RPS15A: variants seen among roughly 807,000 people sequenced by gnomAD.
RPS15A encodes the protein small ribosomal subunit protein uS8.
For synonymous variants in RPS15A, 55 were observed against 58.5 expected, an observed-to-expected ratio of 0.94 and a Z score of 0.27; for missense variants, 62 against 163.4, an observed-to-expected ratio of 0.38 and a Z score of 3.38.
rs376903576 is a variant in RPS15A at position 18,782,698 on chromosome 16, A to G, written c.*311T>C. 1.2e-4 allele frequency: 25 copies of G among 202,568 alleles called. No individual in the cohort carries two copies. Among genetic ancestry groups the G allele is most frequent in the African/African-American group, 4.7e-4 (20 of 42,128 alleles). 12.5% of individuals were successfully genotyped at this position (202,568 alleles called of 1,614,324 possible). The stretch of plus-strand genomic sequence containing the variant: ...GATCGCGCCACTGCACTCCAGCCTG[A>G]GCAATAGAGTCAGACTCTGTCTCCA... On this transcript the variant is annotated 3_prime_UTR_variant, in exon 5 of 5. Transcript: ENST00000322989.
At chr16:18,787,853 A>T (rs2029918672) in intron 3 of RPS15A, among the ~76,000 whole-genome samples, 1 of 152,184 alleles carries the variant, frequency 6.6e-6, no homozygotes, top group Non-Finnish European at 1.5e-5. Flanking sequence ...CTTATACCCC[A>T]TAAAAACACT....
intron 4 of RPS15A, chr16:18,784,342 G>A (rs1042655164): frequency 6.4e-6 from 1 of 157,348 alleles, no homozygotes; most frequent in African/African-American, 2.4e-5. Flanking sequence ...CTCTCTCCCG[G>A]GTTCAAGCTA....
Position 18,782,735 on chromosome 16 carries a change from A to G in RPS15A, c.*274T>C, listed in dbSNP as rs1903984966. ...AGACTCTGTCTCCAAAAAAGAAAAA[A>G]AAAAAAAAAAACTGAAATACAACTA... On this transcript the variant is annotated 3_prime_UTR_variant, in exon 5 of 5. Coordinates refer to ENST00000322989, the MANE Select transcript of RPS15A (RefSeq NM_001019.5). 3.7e-6 allele frequency: 1 copy of G among 271,044 alleles called. No individual in the cohort carries two copies. Among genetic ancestry groups the G allele is most frequent in the Non-Finnish European group, 7.0e-6 (1 of 143,252 alleles). The allele number at this position is 271,044 out of a possible 1,614,324, so 16.8% of individuals were successfully genotyped here. A position where few individuals can be genotyped will look rare whatever the true frequency, so the allele number is the denominator to read the frequency against.
chr16:18,784,301 G>C (rs961655777), intron 4 of RPS15A: 3 of 152,570 alleles, frequency 2.0e-5, no homozygotes, highest in Non-Finnish European at 4.4e-5. Context: ...CCAGGCTGGA[G>C]TGCAATGGCA....
chr16:18,789,766 C>G (rs2141862891), intron 1 of RPS15A: 1 of 152,368 alleles, frequency 6.6e-6, no homozygotes, highest in Admixed American at 6.5e-5. Context: ...TTTGAAAGAC[C>G]AAAGTGCCAA....
chr16:18,787,099 G>A (rs1401330868), intron 3 of RPS15A, among the ~76,000 whole-genome samples: 3 of 152,262 alleles, frequency 2.0e-5, no homozygotes, highest in South Asian at 2.1e-4. Context: ...TCCTGACCTC[G>A]TGATCCGCCT....
intron 4 of RPS15A, 199 bp downstream of exon 4, chr16:18,784,539 C>G (rs991231825): frequency 5.8e-6 from 3 of 517,756 alleles, no homozygotes; most frequent in Non-Finnish European, 6.8e-6. Context: ...AGCCACTGTG[C>G]CTGGCCAACC....
chr16:18,784,960 G>A, intron 3 of RPS15A, 137 bp from the exon 4 acceptor site: 2 of 632,046 alleles, frequency 3.2e-6, no homozygotes, highest in East Asian at 2.9e-5. Context: ...CTTATTCTGT[G>A]CACAATGCTT....
chr16:18,787,174 T>C (rs938822561), intron 3 of RPS15A, among the ~76,000 whole-genome samples: 1 of 152,222 alleles, frequency 6.6e-6, no homozygotes, highest in East Asian at 1.9e-4. Context: ...GTTCTTCAAA[T>C]CTTTAACAAA....
chr16:18,789,242 A>C, intron 1 of RPS15A, 124 bp from the exon 2 acceptor site: 2 of 912,948 alleles, frequency 2.2e-6, no homozygotes, highest in Non-Finnish European at 3.3e-6. Context: ...TCTCAAGTCT[A>C]AGCAGGCTGC....
At chr16:18,787,098 C>T (rs1192371703) in intron 3 of RPS15A, among the ~76,000 whole-genome samples, 3 of 152,178 alleles carry the variant, frequency 2.0e-5, no homozygotes, top group East Asian at 1.9e-4. Flanking sequence ...CTCCTGACCT[C>T]GTGATCCGCC....
rs1255299446 is a variant in RPS15A at position 18,782,285 on chromosome 16, CTT to C, written c.*722_*723del. On this transcript the variant is annotated 3_prime_UTR_variant, in exon 5 of 5. Coordinates refer to ENST00000322989, the MANE Select transcript of RPS15A (RefSeq NM_001019.5). ...CACTCCAGCCTGTGTGACAGAGCGA[CTT>C]TGTCTTAAAAAAAAAAAAAAAAAAA... 5 of 77,990 alleles carry C rather than the reference CTT, an allele frequency of 6.4e-5. No homozygotes were observed. Among genetic ancestry groups the C allele is most frequent in the African/African-American group, 2.4e-4 (5 of 20,548 alleles). The allele number at this position is 77,990 out of a possible 1,614,324, so 4.8% of individuals were successfully genotyped here. A position where few individuals can be genotyped will look rare whatever the true frequency, so the allele number is the denominator to read the frequency against.
chr16:18,788,654 G>T (rs970534447), intron 2 of RPS15A: 9 of 227,656 alleles, frequency 4.0e-5, no homozygotes, highest in Admixed American at 5.2e-5. Flanking sequence ...ACGACCGGCT[G>T]ATTTTTGTTT....
intron 4 of RPS15A, chr16:18,783,583 G>A (rs540608028): frequency 5.8e-5 from 26 of 448,334 alleles, no homozygotes; most frequent in Middle Eastern, 3.3e-4. Context: ...GCAAATGTGC[G>A]GCATTAAAAT....
intron 3 of RPS15A, 96 bp downstream of exon 3, chr16:18,787,967 G>A (rs1005348989): frequency 1.3e-6 from 1 of 778,676 alleles, no homozygotes; most frequent in South Asian, 1.5e-5. Flanking sequence ...ATCAAGTATG[G>A]CACCACTACT....
intron 3 of RPS15A, chr16:18,786,608 C>T (rs1325878029): frequency 6.6e-6 from 1 of 151,964 alleles, no homozygotes; most frequent in Non-Finnish European, 1.5e-5. Flanking sequence ...CGAGACCCCA[C>T]CTCTACAAAA....
At chr16:18,784,634 A>T in intron 4 of RPS15A, 104 bp downstream of exon 4, 1 of 809,268 alleles carries the variant, frequency 1.2e-6, no homozygotes, top group Non-Finnish European at 2.0e-6. Flanking sequence ...ACAAATTACC[A>T]CTGCTTTGTT....
chr16:18,787,030 A>G (rs1326652369), intron 3 of RPS15A, among the ~76,000 whole-genome samples: 2 of 152,088 alleles, frequency 1.3e-5, no homozygotes, highest in Non-Finnish European at 2.9e-5. Context: ...GCGCCTGGCT[A>G]GTTTTTCTAT....
intron 1 of RPS15A, among the ~76,000 whole-genome samples, chr16:18,789,445 C>A (rs1043603425): frequency 1.3e-5 from 2 of 152,228 alleles, no homozygotes; most frequent in Non-Finnish European, 2.9e-5. Flanking sequence ...AACGTGAGAA[C>A]TGGCAGAAAC....
Sources: gnomAD v4.1 joint callset for allele counts (sites outside exome capture counted in the v4.1 genomes callset) on GRCh38, gnomAD v4.1.1 for gene constraint, MANE v1.5 for transcripts, NCBI Gene and HGNC (gene_info 2026-07-23, HGNC 2026-07-21) for gene names.